The following MTDH variants were observed in gnomAD, a reference collection of about 807,000 sequenced individuals.
MTDH encodes the protein metadherin, also known as protein LYRIC.
Under a neutral mutation model 72.7 loss-of-function variants are expected in MTDH, and 34 were observed. The ratio of observed to expected loss-of-function variants is 0.47; its 90% confidence interval spans 0.36 to 0.62. The LOEUF is 0.62. Ranked by LOEUF, MTDH falls within the 20% of genes least tolerant of loss-of-function variation. MTDH has a pLI of 0.00. For missense variants in MTDH, 677 were observed against 699.4 expected (o/e 0.97, Z 0.36); for synonymous variants, 266 against 268.9 (o/e 0.99, Z 0.10).
At position 97,691,038 on chromosome 8, in the gene MTDH, G is replaced by A; in HGVS notation, c.898G>A (p.Gly300Ser). 6.2e-7 allele frequency: 1 copy of A among 1,614,084 alleles called. No homozygotes were observed. Among genetic ancestry groups the A allele is most frequent in the Non-Finnish European group, 8.5e-7 (1 of 1,179,966 alleles). Residue 300 changes from glycine to serine, a missense_variant, in exon 6 of 12, where the codon GGT (glycine) becomes AGT (serine). Coordinates refer to ENST00000336273, the MANE Select transcript of MTDH (RefSeq NM_178812.4). ...AAAACTCTCCTCACAGATCAGTGCA[G>A]GTGAGGAGAAGTGGAACTCCGTTTC... ...SVKLSSQISA[G>S]EEKWNSVSPA...
intron 10 of MTDH, among the ~76,000 whole-genome samples, chr8:97,721,016 G>A (rs980674387): frequency 7.2e-5 from 11 of 151,968 alleles, no homozygotes; most frequent in African/African-American, 1.9e-4. Context: ...GATTTGATCC[G>A]TTCTGTGACT....
chr8:97,722,832 T>C (rs1386548916), intron 10 of MTDH, 47 bp from the exon 11 acceptor site: 7 of 1,558,474 alleles, frequency 4.5e-6, no homozygotes, highest in Middle Eastern at 1.7e-4. Flanking sequence ...TTAAACTTTA[T>C]TTGAAAATTT....
At chr8:97,667,678 G>T (rs963908914) in intron 2 of MTDH, among the ~76,000 whole-genome samples, 1 of 152,032 alleles carries the variant, frequency 6.6e-6, no homozygotes, top group Non-Finnish European at 1.5e-5. Context: ...AACATGACTT[G>T]TTGGCAAGTG....
At chr8:97,695,105 G>T (rs1239005352) in intron 6 of MTDH, among the ~76,000 whole-genome samples, 4 of 147,830 alleles carry the variant, frequency 2.7e-5, no homozygotes, top group African/African-American at 7.4e-5. Context: ...ATTTGCTGCT[G>T]CCTTTTTTTT....
At position 97,712,700 on chromosome 8, in the gene MTDH, G is replaced by A. The variant is rs551679695; in HGVS notation, c.1273-962G>A. On this transcript the variant is annotated intron_variant, in intron 8 of 11. Transcript: ENST00000336273. ...CTCACCTAAATTTGCAGTTGTCACT[G>A]TTTTTTATTTTAGCAGTTCTGATAG... Among the ~76,000 whole-genome samples the A allele has an allele frequency of 2.6e-5, 4 of 152,280 alleles. No individual in the cohort carries two copies. In the East Asian group the frequency reaches 7.7e-4, roughly 29 times the overall value.
At chr8:97,718,708 G>T (rs531792542) in intron 9 of MTDH, among the ~76,000 whole-genome samples, 18 of 142,874 alleles carry the variant, frequency 1.3e-4, no homozygotes, top group African/African-American at 4.3e-4. Context: ...GTAGTTTTGG[G>T]TTTTTTTTTT....
intron 9 of MTDH, among the ~76,000 whole-genome samples, chr8:97,718,705 T>G (rs972911697): frequency 6.7e-6 from 1 of 149,730 alleles, no homozygotes; most frequent in Non-Finnish European, 1.5e-5. Flanking sequence ...TTTGTAGTTT[T>G]GGGTTTTTTT....
chr8:97,714,231 C>G (rs1314379850), intron 9 of MTDH, among the ~76,000 whole-genome samples: 1 of 152,286 alleles, frequency 6.6e-6, no homozygotes, highest in African/African-American at 2.4e-5. Context: ...TTTTCTCTTT[C>G]CATCACTCAT....
At chr8:97,651,643 G>C (rs760282288) in intron 1 of MTDH, among the ~76,000 whole-genome samples, 2 of 152,120 alleles carry the variant, frequency 1.3e-5, no homozygotes, top group Non-Finnish European at 2.9e-5. Context: ...AAATTTTAGT[G>C]AAAAGATAAA....
intron 10 of MTDH, 120 bp downstream of exon 10, chr8:97,719,309 A>C: frequency 2.1e-6 from 2 of 971,082 alleles, no homozygotes. Context: ...CCTGGCCAAC[A>C]TAGTGAAACC....
intron 2 of MTDH, among the ~76,000 whole-genome samples, chr8:97,676,196 T>A (rs1402403918): frequency 6.6e-6 from 1 of 152,178 alleles, no homozygotes; most frequent in African/African-American, 2.4e-5. Context: ...CACCTCTGTC[T>A]CCCAAAGTGC....
chr8:97,647,342 G>A (rs1344983547), intron 1 of MTDH, among the ~76,000 whole-genome samples: 1 of 152,152 alleles, frequency 6.6e-6, no homozygotes, highest in Non-Finnish European at 1.5e-5. Flanking sequence ...AAAGTGGGTA[G>A]GAGTCCCCCA....
At chr8:97,705,988 AATG>A (rs1378482620) in intron 7 of MTDH, among the ~76,000 whole-genome samples, 3 of 152,198 alleles carry the variant, frequency 2.0e-5, no homozygotes, top group African/African-American at 2.4e-5. Context: ...TTTGATAATA[AATG>A]ATGATTGAAG....
chr8:97,644,319 G>A lies in MTDH; in HGVS notation c.-188G>A. The A allele has an allele frequency of 1.4e-6, 1 of 698,578 alleles. No individual in the cohort carries two copies. The highest frequency in any genetic ancestry group is 2.2e-5 in the South Asian group (1 of 44,876). The allele number at this position is 698,578 out of a possible 1,614,324, so 43.3% of individuals were successfully genotyped here. On this transcript the variant is annotated 5_prime_UTR_variant, in exon 1 of 12. Transcript: ENST00000336273. ...CGGCGGCGGAGTGAGGCTGACAGCG[G>A]GGAACCTGGGAGACCCCTCCGCCCT...
chr8:97,722,929 A>T lies in MTDH; in HGVS notation c.1572A>T (p.Leu524Phe). Residue 524 changes from leucine (L) to phenylalanine (F), a missense_variant, in exon 11 of 12, where the codon TTA becomes TTT. Around this residue, in one of 3 missense-constraint regions of MTDH, gnomAD observed 201 missense variants for 204.5 expected, o/e 0.98. Coordinates refer to ENST00000336273, the MANE Select transcript of MTDH (RefSeq NM_178812.4). ...PATSTEPSVILSKSDSDKSSS... is the reference protein window; with the variant it reads ...PATSTEPSVIFSKSDSDKSSS... Reference sequence around the variant, plus strand: ...CTTCTACCGAGCCATCTGTAATCTTATCAAAAAGTGATTCTGACAAGAGCT... The same window carrying T: ...CTTCTACCGAGCCATCTGTAATCTTTTCAAAAAGTGATTCTGACAAGAGCT... The T allele has an allele frequency of 6.2e-7, 1 of 1,614,110 alleles. No individual in the cohort carries two copies. Among genetic ancestry groups the T allele is most frequent in the African/African-American group, 1.3e-5 (1 of 75,068 alleles).
At chr8:97,712,934 C>G (rs538897720) in intron 8 of MTDH, among the ~76,000 whole-genome samples, 1 of 152,182 alleles carries the variant, frequency 6.6e-6, no homozygotes, top group South Asian at 2.1e-4. Context: ...ATGGATGGAA[C>G]CATATGGCTT....
chr8:97,720,374 T>C (rs1815067057), intron 10 of MTDH, among the ~76,000 whole-genome samples: 1 of 151,572 alleles, frequency 6.6e-6, no homozygotes, highest in African/African-American at 2.4e-5. Flanking sequence ...TCCAGGAGTT[T>C]GAGACCAGCC....
At chr8:97,679,415 A>G (rs1239573736) in intron 2 of MTDH, among the ~76,000 whole-genome samples, 2 of 152,146 alleles carry the variant, frequency 1.3e-5, no homozygotes, top group Non-Finnish European at 2.9e-5. Context: ...CAATACAGAA[A>G]CAATGTATTG....
At chr8:97,657,645 A>C (rs941518300) in intron 1 of MTDH, among the ~76,000 whole-genome samples, 1 of 152,174 alleles carries the variant, frequency 6.6e-6, no homozygotes, top group African/African-American at 2.4e-5. Flanking sequence ...CTGGGACTAC[A>C]GGGGCATGCC....
Sources: gnomAD v4.1 joint callset for allele counts (sites outside exome capture counted in the v4.1 genomes callset) on GRCh38, gnomAD v4.1.1 for gene constraint, gnomAD v4.1.1 regional missense constraint, MANE v1.5 for transcripts, NCBI Gene and HGNC (gene_info 2026-07-23, HGNC 2026-07-21) for gene names.